Variants in PARD3B observed in about 807,000 individuals in gnomAD.
PARD3B encodes the protein par-3 family cell polarity regulator beta.
A neutral mutation model predicts 130.2 loss-of-function variants in PARD3B; 103 were observed. The ratio of observed to expected loss-of-function variants is 0.79; its 90% CI spans 0.67 to 0.93. The LOEUF is 0.93. Among genes scored for constraint, PARD3B ranks in the 40% least tolerant of loss-of-function variants. The pLI, the probability that PARD3B is intolerant of heterozygous loss-of-function variation, is 0.00. For synonymous variants in PARD3B, 583 were observed against 553.2 expected (o/e 1.05, Z -0.76); for missense variants, 1,609 against 1,499.2 (o/e 1.07, Z -1.21).
At chr2:204,564,427 G>A (rs2031545835) in intron 1 of PARD3B, among the ~76,000 whole-genome samples, 1 of 152,122 alleles carries the variant, frequency 6.6e-6, no homozygotes, top group Non-Finnish European at 1.5e-5. Flanking sequence ...CATTGTAGTA[G>A]TTCTTAATTT....
intron 22 of PARD3B, among the ~76,000 whole-genome samples, chr2:205,581,675 G>A (rs371847331): frequency 6.6e-6 from 1 of 151,350 alleles, no homozygotes; most frequent in Non-Finnish European, 1.5e-5. Flanking sequence ...ACCCTGATAC[G>A]ATCATTACAC....
chr2:205,457,581 T>C (rs1201948276), intron 20 of PARD3B, among the ~76,000 whole-genome samples: 2 of 152,060 alleles, frequency 1.3e-5, no homozygotes, highest in African/African-American at 4.8e-5. Context: ...TCCTTAATTA[T>C]TTCCTTTAGT....
intron 2 of PARD3B, among the ~76,000 whole-genome samples, chr2:204,824,014 GAGGA>G (rs77431005): frequency 6.6e-6 from 1 of 152,062 alleles, no homozygotes; most frequent in Non-Finnish European, 1.5e-5. Flanking sequence ...GCTATAAGAG[GAGGA>G]AGGAAGTTAG....
intron 22 of PARD3B, among the ~76,000 whole-genome samples, chr2:205,565,952 T>C (rs1170664931): frequency 7.9e-6 from 1 of 126,118 alleles, no homozygotes; most frequent in Non-Finnish European, 1.7e-5. Flanking sequence ...TCCAAGAAAA[T>C]AGAATGTGAA....
intron 11 of PARD3B, among the ~76,000 whole-genome samples, chr2:205,170,706 C>G (rs79407607): frequency 5.9e-5 from 9 of 152,162 alleles, no homozygotes; most frequent in African/African-American, 2.2e-4. Context: ...TTTAACGACC[C>G]GTCTGCACAG....
At chr2:205,198,172 T>G (rs1478629130) in intron 15 of PARD3B, among the ~76,000 whole-genome samples, 1 of 152,184 alleles carries the variant, frequency 6.6e-6, no homozygotes, top group East Asian at 1.9e-4. Context: ...TTTTTAGAGT[T>G]TTCTATCCTG....
intron 16 of PARD3B, among the ~76,000 whole-genome samples, chr2:205,266,746 AG>A (rs1559603822): frequency 6.6e-6 from 1 of 152,172 alleles, no homozygotes; most frequent in Non-Finnish European, 1.5e-5. Flanking sequence ...TAGCAATTAA[AG>A]GATTCTTTTC....
intron 3 of PARD3B, among the ~76,000 whole-genome samples, chr2:204,973,073 G>A (rs1575452414): frequency 6.6e-6 from 1 of 152,178 alleles, no homozygotes; most frequent in African/African-American, 2.4e-5. Context: ...TCTTCCCCAT[G>A]CCCCCACCAG....
chr2:204,621,246 A>G (rs2034291788), intron 1 of PARD3B, among the ~76,000 whole-genome samples: 1 of 152,228 alleles, frequency 6.6e-6, no homozygotes, highest in South Asian at 2.1e-4. Context: ...GGTTGGGGTT[A>G]GGACGACAAA....
chr2:205,066,721 G>A (rs973363722), intron 4 of PARD3B, among the ~76,000 whole-genome samples: 3 of 152,170 alleles, frequency 2.0e-5, no homozygotes, highest in African/African-American at 7.2e-5. Context: ...AATTTGTAAT[G>A]AGGAAACATG....
rs137879858 is a variant in PARD3B, at chr2:204,723,588, A to G, written c.222+37306A>G. Reference sequence around the variant, plus strand: ...TTCTGTGTTTACCTTACAGAACCTCAGAGTTTAAAGCCACATTCTGTTTTT... The same window carrying G: ...TTCTGTGTTTACCTTACAGAACCTCGGAGTTTAAAGCCACATTCTGTTTTT... On this transcript the variant is annotated intron_variant, in intron 2 of 22. Transcript: ENST00000406610. Among the ~76,000 whole-genome samples the G allele has an allele frequency of 4.3e-4, 65 of 152,260 alleles. 1 individual carries two copies. In the East Asian group the frequency reaches 0.012, roughly 27 times the overall value.
rs987063249 is a variant in PARD3B, at chr2:205,183,567, T to TC, written c.1925-2192dup. ...TGCAGGCGCTGCCTTTGTGCTTCTT[T>TC]CCCCCTGGTCACCTACTTAGCAGGT... is the stretch of plus-strand genomic sequence containing the variant. On this transcript the variant is annotated intron_variant, in intron 13 of 22. Coordinates refer to ENST00000406610, the MANE Select transcript of PARD3B (RefSeq NM_001302769.2). The surrounding 1 kb of genome is among the most constrained non-coding windows in gnomAD (Gnocchi z 5.2). Among the ~76,000 whole-genome samples the TC allele has an allele frequency of 3.3e-5, 5 of 152,194 alleles. No individual in the cohort carries two copies. The South Asian group carries it at 6.2e-4, about 19-fold the overall frequency.
At chr2:205,214,337 C>T (rs1333470111) in intron 15 of PARD3B, among the ~76,000 whole-genome samples, 1 of 151,958 alleles carries the variant, frequency 6.6e-6, no homozygotes, top group South Asian at 2.1e-4. Context: ...CTTGCTTTTA[C>T]CTGAAGCAAC....
intron 4 of PARD3B, among the ~76,000 whole-genome samples, chr2:205,051,203 G>GCGCTTCC (rs754584786): frequency 1.0e-3 from 156 of 152,104 alleles, no homozygotes; most frequent in Non-Finnish European, 1.0e-3. Context: ...TTTGTACTTG[G>GCGCTTCC]CGCTTCCTTC....
In PARD3B at chr2:205,461,747, CT is replaced by C. The variant is rs2048460960; in HGVS notation, c.3044+21076del. Among the ~76,000 whole-genome samples the C allele has an allele frequency of 6.6e-6, 1 of 152,114 alleles. No homozygotes were observed. The highest frequency in any genetic ancestry group is 1.9e-4 in the East Asian group (1 of 5,182). On this transcript the variant is annotated intron_variant, in intron 20 of 22. Transcript: ENST00000406610. This position sits in a 1 kb window ranked among gnomAD's most constrained non-coding sequence, Gnocchi z 4.3. ...CCACAGAGTTTCTGATTCAATAGGT[CT>C]GGGGTGGGACCCTACAATTTGCATT...
At chr2:204,565,936 G>A (rs1212812462) in intron 1 of PARD3B, among the ~76,000 whole-genome samples, 1 of 152,188 alleles carries the variant, frequency 6.6e-6, no homozygotes, top group Non-Finnish European at 1.5e-5. Context: ...AAAAACATGT[G>A]AAATCAAAGG....
intron 2 of PARD3B, among the ~76,000 whole-genome samples, chr2:204,926,601 C>A (rs995025191): frequency 6.6e-6 from 1 of 152,016 alleles, no homozygotes; most frequent in Admixed American, 6.6e-5. Flanking sequence ...CATGTGAGTT[C>A]GATCCGTGAC....
At chr2:205,456,940 T>C (rs1280945299) in intron 20 of PARD3B, among the ~76,000 whole-genome samples, 1 of 150,696 alleles carries the variant, frequency 6.6e-6, no homozygotes, top group Non-Finnish European at 1.5e-5. Flanking sequence ...TTAATAAATT[T>C]AATAAATCGT....
chr2:204,828,156 C>A (rs769021058), intron 2 of PARD3B, among the ~76,000 whole-genome samples: 18 of 152,148 alleles, frequency 1.2e-4, no homozygotes, highest in Non-Finnish European at 2.4e-4. Context: ...GGGAGCCATG[C>A]CTTATTTCTG....
Sources: allele counts gnomAD v4.1 joint callset (sites outside exome capture counted in the v4.1 genomes callset), GRCh38; gene constraint gnomAD v4.1.1; non-coding constraint Gnocchi (gnomAD v3.1); transcripts MANE v1.5; gene names NCBI Gene and HGNC (gene_info 2026-07-23, HGNC 2026-07-21).